Variants in RBFOX2 observed in about 807,000 individuals in gnomAD.
RBFOX2 encodes the protein RNA binding protein fox-1 homolog 2.
In RBFOX2, 10 loss-of-function variants were observed where a neutral mutation model predicts 49.1. That is an observed-to-expected ratio of 0.20 (90% confidence interval 0.13 to 0.35). The LOEUF is 0.35. Ranked by LOEUF, RBFOX2 falls within the 10% of genes least tolerant of loss-of-function variation. The pLI, the probability that RBFOX2 is intolerant of heterozygous loss-of-function variation, is 1.00. For missense variants in RBFOX2, 323 were observed against 486.9 expected (o/e 0.66, Z 3.17); for synonymous variants, 183 against 187.4 (o/e 0.98, Z 0.19).
At chr22:35,932,808 G>C (rs963919050) in intron 1 of RBFOX2, among the ~76,000 whole-genome samples, 2 of 152,190 alleles carry the variant, frequency 1.3e-5, no homozygotes, top group African/African-American at 2.4e-5. Context: ...TTGAACCCGG[G>C]AGGCAAATGT....
intron 9 of RBFOX2, among the ~76,000 whole-genome samples, chr22:35,753,638 A>C (rs539141823): frequency 6.6e-6 from 1 of 152,092 alleles, no homozygotes; most frequent in Non-Finnish European, 1.5e-5. Flanking sequence ...TAAAAAAAAA[A>C]AACCAAGAGT....
Position 35,985,966 on chromosome 22 carries a change from A to G in RBFOX2, c.186+42274T>C, listed in dbSNP as rs146944319. On this transcript the variant is annotated intron_variant, in intron 1 of 13. Transcript: ENST00000438146. ...TAGATAGATAGATAGAGTCTTCCTC[A>G]TAATTCCTCAGGCAGCAAACCCTTG... is the stretch of plus-strand genomic sequence containing the variant. 9.3e-3 allele frequency among the ~76,000 whole-genome samples: 1,415 copies of G among 152,092 alleles called. 21 individuals are homozygous for G. Among genetic ancestry groups the G allele is most frequent in the African/African-American group, 0.033 (1,359 of 41,462 alleles).
chr22:35,822,446 G>GT lies in RBFOX2; in HGVS notation c.28-12443dup, dbSNP rs544946807. ...GCCCCTAGGTTCAGGTTTTCTTTTTGTTTTTTCTGGTCTCTTTCATGCTAA... is the reference window on the plus strand; with the variant it reads ...GCCCCTAGGTTCAGGTTTTCTTTTTGTTTTTTTCTGGTCTCTTTCATGCTAA... On this transcript the variant is annotated intron_variant, in intron 1 of 11. Coordinates refer to ENST00000405409, the Ensembl canonical transcript of RBFOX2. 8.8e-4 allele frequency among the ~76,000 whole-genome samples: 134 copies of GT among 152,096 alleles called. 1 individual carries two copies. In the South Asian group the frequency reaches 9.8e-3, roughly 11 times the overall value.
At chr22:35,807,835 C>G (rs1417456461) in intron 2 of RBFOX2, among the ~76,000 whole-genome samples, 1 of 151,656 alleles carries the variant, frequency 6.6e-6, no homozygotes, top group Non-Finnish European at 1.5e-5. Context: ...TAAACCTTAG[C>G]TAGACTGACC....
intron 1 of RBFOX2, among the ~76,000 whole-genome samples, chr22:35,848,930 C>T (rs1176988816): frequency 1.3e-5 from 2 of 152,042 alleles, no homozygotes; most frequent in African/African-American, 4.8e-5. Context: ...GTGGTTAACT[C>T]TATTGCTGGA....
chr22:36,024,647 A>G (rs1004281672), intron 1 of RBFOX2, among the ~76,000 whole-genome samples: 1 of 151,724 alleles, frequency 6.6e-6, no homozygotes, highest in African/African-American at 2.4e-5. Flanking sequence ...AGGCTGAGGC[A>G]TAAGAATTGC....
intron 1 of RBFOX2, among the ~76,000 whole-genome samples, chr22:35,908,031 A>G (rs2049318202): frequency 6.6e-6 from 1 of 152,080 alleles, no homozygotes. Context: ...GAGACTGTCA[A>G]AGAATCTTGA....
At chr22:35,902,864 C>T (rs927468111) in intron 1 of RBFOX2, among the ~76,000 whole-genome samples, 1 of 151,646 alleles carries the variant, frequency 6.6e-6, no homozygotes, top group Admixed American at 6.6e-5. Context: ...CTATGTTGCC[C>T]AGACTAGTCT....
At chr22:35,917,315 T>C (rs996612832) in intron 1 of RBFOX2, among the ~76,000 whole-genome samples, 2 of 151,824 alleles carry the variant, frequency 1.3e-5, no homozygotes, top group African/African-American at 2.4e-5. Flanking sequence ...TTTAGATCTA[T>C]CTCAGCCGTC....
intron 2 of RBFOX2, among the ~76,000 whole-genome samples, chr22:35,801,447 A>ACACTCT (rs761056269): frequency 8.5e-6 from 1 of 117,800 alleles, no homozygotes; most frequent in East Asian, 2.2e-4. Context: ...ACACACACAC[A>ACACTCT]CTCTCTCTCT....
At chr22:35,754,140 G>A (rs1462148129) in intron 9 of RBFOX2, among the ~76,000 whole-genome samples, 4 of 147,160 alleles carry the variant, frequency 2.7e-5, no homozygotes, top group Non-Finnish European at 4.5e-5. Context: ...CACCCAGGCT[G>A]GACTGTAGTG....
chr22:35,900,204 C>G (rs1050767328), intron 1 of RBFOX2, among the ~76,000 whole-genome samples: 1 of 152,154 alleles, frequency 6.6e-6, no homozygotes, highest in Non-Finnish European at 1.5e-5. Context: ...ACCTCCGCCT[C>G]CCGGGTTCAA....
chr22:35,846,592 C>CAA (rs549635667), intron 1 of RBFOX2, among the ~76,000 whole-genome samples: 15 of 140,138 alleles, frequency 1.1e-4, no homozygotes, highest in South Asian at 2.3e-4. Flanking sequence ...ATTAAAAATA[C>CAA]AAAAAAAAAA....
intron 1 of RBFOX2, among the ~76,000 whole-genome samples, chr22:35,971,719 G>A (rs1006828815): frequency 6.6e-6 from 1 of 151,980 alleles, no homozygotes; most frequent in Admixed American, 6.6e-5. Flanking sequence ...TGAGACGGTT[G>A]CTCTTGAGCT....
At chr22:35,947,672 T>TAAAAAAAAAAAAAAAAAAAA (rs559788717) in intron 1 of RBFOX2, among the ~76,000 whole-genome samples, 6 of 34,142 alleles carry the variant, frequency 1.8e-4, no homozygotes, top group Admixed American at 3.6e-4. Flanking sequence ...GTTTAAAAAG[T>TAAAAAAAAAAAAAAAAAAAA]AAAAAAAAAA....
intron 3 of RBFOX2, among the ~76,000 whole-genome samples, chr22:35,779,054 T>C (rs961098351): frequency 6.6e-6 from 1 of 152,200 alleles, no homozygotes; most frequent in Non-Finnish European, 1.5e-5. Context: ...ACCACTCTCT[T>C]TGGTAATTCT....
intron 2 of RBFOX2, among the ~76,000 whole-genome samples, chr22:35,802,428 G>T (rs1220050054): frequency 1.3e-5 from 2 of 152,202 alleles, no homozygotes; most frequent in Non-Finnish European, 2.9e-5. Flanking sequence ...CAGGATTCTA[G>T]AAATCAATCA....
At chr22:35,979,600 A>G (rs2057361096) in intron 1 of RBFOX2, among the ~76,000 whole-genome samples, 1 of 152,236 alleles carries the variant, frequency 6.6e-6, no homozygotes. Flanking sequence ...AGATGCAGTG[A>G]AATATTAACA....
At chr22:35,978,796 A>C (rs887045157) in intron 1 of RBFOX2, among the ~76,000 whole-genome samples, 2 of 152,230 alleles carry the variant, frequency 1.3e-5, no homozygotes, top group African/African-American at 4.8e-5. Context: ...AAGTCTTTGT[A>C]ACAGAATGAC....
Sources: gnomAD v4.1 joint callset for allele counts (sites outside exome capture counted in the v4.1 genomes callset) on GRCh38, gnomAD v4.1.1 for gene constraint, MANE v1.5 for transcripts, NCBI Gene and HGNC (gene_info 2026-07-23, HGNC 2026-07-21) for gene names.